TRIM36: variants seen among roughly 807,000 people sequenced by gnomAD.
TRIM36 encodes tripartite motif containing 36, also known as E3 ubiquitin-protein ligase TRIM36.
Under a neutral mutation model 72.4 loss-of-function variants are expected in TRIM36, and 42 were observed. The observed-to-expected ratio is 0.58, with a 90% CI of 0.45 to 0.75. The LOEUF (loss-of-function observed/expected upper bound fraction) is 0.75. Ranked by LOEUF, TRIM36 falls within the 30% of genes least tolerant of loss-of-function variation. TRIM36 has a pLI of 0.00. For missense variants in TRIM36, 913 were observed against 857.1 expected (o/e 1.07, Z -0.81); for synonymous variants, 315 against 282.8 (o/e 1.11, Z -1.14).
At chr5:115,127,498 T>A (rs1383433300) in intron 9 of TRIM36, among the ~76,000 whole-genome samples, 1 of 152,188 alleles carries the variant, frequency 6.6e-6, no homozygotes, top group Non-Finnish European at 1.5e-5. Flanking sequence ...GAAGCAGAAG[T>A]TGCAGTGGAC....
At chr5:115,177,424 T>C in intron 1 of TRIM36, 3 of 792,552 alleles carry the variant, frequency 3.8e-6, no homozygotes, top group Non-Finnish European at 4.7e-6. Flanking sequence ...AGGCCTCTAC[T>C]CTCTTAACTC....
intron 1 of TRIM36, chr5:115,177,904 C>T: frequency 6.3e-7 from 1 of 1,579,484 alleles, no homozygotes; most frequent in Non-Finnish European, 8.7e-7. Flanking sequence ...AGAGAGAGAG[C>T]AGAGAAATCC....
At chr5:115,167,630 T>C (rs1754857937) in intron 1 of TRIM36, among the ~76,000 whole-genome samples, 1 of 152,222 alleles carries the variant, frequency 6.6e-6, no homozygotes. Context: ...CACTTCTTTG[T>C]CCATACCACT....
At chr5:115,161,436 GT>G (rs937742884) in intron 2 of TRIM36, among the ~76,000 whole-genome samples, 3 of 152,118 alleles carry the variant, frequency 2.0e-5, no homozygotes, top group African/African-American at 7.2e-5. Context: ...CCCACCCATT[GT>G]TTTAAACAAA....
At chr5:115,143,920 G>C (rs1753429144) in intron 4 of TRIM36, among the ~76,000 whole-genome samples, 1 of 152,092 alleles carries the variant, frequency 6.6e-6, no homozygotes, top group Non-Finnish European at 1.5e-5. Context: ...ACCCAGGCTG[G>C]AGTGCAGTGG....
exon 1 of TRIM36, chr5:115,180,135 C>T: frequency 2.5e-6 from 3 of 1,216,494 alleles, no homozygotes; most frequent in Non-Finnish European, 1.2e-6. Flanking sequence ...TTTTGCCGAG[C>T]TCCCCGCCCA....
chr5:115,133,514 T>C (rs758488057), intron 8 of TRIM36, among the ~76,000 whole-genome samples: 7 of 152,154 alleles, frequency 4.6e-5, no homozygotes, highest in Non-Finnish European at 1.0e-4. Context: ...GTTTTAGAGA[T>C]TTCCATAAAC....
intron 3 of TRIM36, among the ~76,000 whole-genome samples, chr5:115,145,868 C>T (rs563087980): frequency 6.6e-6 from 1 of 152,174 alleles, no homozygotes; most frequent in African/African-American, 2.4e-5. Flanking sequence ...CAAAGTTTGT[C>T]CATCTGCAAG....
At position 115,141,287 on chromosome 5, in the gene TRIM36, C is replaced by A; in HGVS notation, c.823G>T (p.Glu275Ter). The A allele has an allele frequency of 6.3e-7, 1 of 1,596,376 alleles. No individual in the cohort carries two copies. Residue 275 changes from glutamate to a stop codon, truncating the protein, a stop_gained, in exon 5 of 10, where the codon GAA becomes TAA. Transcript: ENST00000513154. LOFTEE classifies it high-confidence loss of function. Reference sequence around the variant, plus strand: ...GCTAGTTTATCACTTACCTCTGTTTCTTTCATTAACAAGTTTAGTTCAGAT... The same window carrying A: ...GCTAGTTTATCACTTACCTCTGTTTATTTCATTAACAAGTTTAGTTCAGAT... ...QISELNLLMKETECNGERAKE... is the reference protein window; with the variant it reads ...QISELNLLMK
At position 115,163,639 on chromosome 5, in the gene TRIM36, T is replaced by C. The variant is rs766927121; in HGVS notation, c.141A>G (p.Glu47=). The change falls in exon 2 of 10, where the codon GAA becomes GAG. Residue 47 remains glutamate (E), a synonymous_variant. Coordinates refer to ENST00000513154, the MANE Select transcript of TRIM36 (RefSeq NM_001300759.2). ...ATGAATCATCGAGAGTCAGCAGGAG[T>C]TCTTTTACACATTTATGACAGATAC... The part of the protein sequence containing the change: ...QHSICHKCVK[E]LLLTLDDSFN... 4 of 1,614,046 alleles carry C rather than the reference T, an allele frequency of 2.5e-6. No homozygotes were observed. The highest frequency in any genetic ancestry group is 3.4e-6 in the Non-Finnish European group (4 of 1,180,008).
chr5:115,168,574 T>G (rs572533637), intron 1 of TRIM36, among the ~76,000 whole-genome samples: 1 of 152,340 alleles, frequency 6.6e-6, no homozygotes, highest in African/African-American at 2.4e-5. Flanking sequence ...TCTGACAATT[T>G]AACTGCATTA....
chr5:115,169,863 G>C lies in TRIM36; in HGVS notation c.-229C>G. ...GCTTTGCTCCCAGCGACTACCCCGG[G>C]AATCCCGCCCAGCTGCCGGCTGCAG... On this transcript the variant is annotated 5_prime_UTR_variant, in exon 1 of 10. Coordinates refer to ENST00000513154, the MANE Select transcript of TRIM36 (RefSeq NM_001300759.2). 1 of 1,308,554 alleles carries C rather than the reference G, an allele frequency of 7.6e-7. No individual in the cohort carries two copies. Among genetic ancestry groups the C allele is most frequent in the Middle Eastern group, 2.8e-4 (1 of 3,554 alleles). 81.1% of individuals were successfully genotyped at this position (1,308,554 alleles called of 1,614,324 possible).
upstream of TRIM36, chr5:115,171,211 C>T: frequency 1.2e-6 from 2 of 1,614,200 alleles, no homozygotes; most frequent in East Asian, 4.5e-5. Flanking sequence ...AGCCTCGTCT[C>T]CAATCCGGCA....
chr5:115,179,869 C>A, intron 1 of TRIM36: 2 of 1,134,460 alleles, frequency 1.8e-6, no homozygotes, highest in Non-Finnish European at 2.6e-6. Flanking sequence ...ATTCCAGCCT[C>A]CCGCCCTTCC....
rs1580650087 is a variant in TRIM36, at chr5:115,137,039, G to C, written c.1171C>G (p.Gln391Glu). The C allele has an allele frequency of 6.2e-7, 1 of 1,610,176 alleles. No homozygotes were observed. Among genetic ancestry groups the C allele is most frequent in the Non-Finnish European group, 8.5e-7 (1 of 1,178,644 alleles). ...GATAATTCTCCAAGAAGTTCTGTTTGTTTAGAGGTATTAACAACATAGTCT... is the reference window on the plus strand; with the variant it reads ...GATAATTCTCCAAGAAGTTCTGTTTCTTTAGAGGTATTAACAACATAGTCT... ...FEDYVVNTSK[Q>E]TELLGELSFF... The change falls in exon 7 of 10, where the codon CAA (glutamine) becomes GAA (glutamate). Residue 391 changes from glutamine (Q) to glutamate (E), a missense_variant. By Grantham distance (29) the Gln-to-Glu change is conservative. Coordinates refer to ENST00000513154, the MANE Select transcript of TRIM36 (RefSeq NM_001300759.2).
chr5:115,167,193 C>T (rs566965023), intron 1 of TRIM36, among the ~76,000 whole-genome samples: 2 of 152,310 alleles, frequency 1.3e-5, no homozygotes, highest in East Asian at 1.9e-4. Flanking sequence ...AGCAGCAGGG[C>T]CCTGGGCCCA....
chr5:115,170,149 C>T (rs983850193), upstream of TRIM36, among the ~76,000 whole-genome samples: 27 of 151,976 alleles, frequency 1.8e-4, no homozygotes, highest in Admixed American at 1.1e-3. Context: ...GCCCCTCCCT[C>T]CCACCCGGGT....
chr5:115,145,581 C>G (rs1753546537), intron 3 of TRIM36, among the ~76,000 whole-genome samples: 1 of 152,084 alleles, frequency 6.6e-6, no homozygotes, highest in Non-Finnish European at 1.5e-5. Context: ...GGCTAGAGTG[C>G]AGTGGTGCAA....
At chr5:115,153,542 G>A (rs554876896) in intron 2 of TRIM36, among the ~76,000 whole-genome samples, 1 of 152,300 alleles carries the variant, frequency 6.6e-6, no homozygotes, top group Non-Finnish European at 1.5e-5. Context: ...GTCATGCTCT[G>A]TCACCCAGGC....
Sources: allele counts gnomAD v4.1 joint callset (sites outside exome capture counted in the v4.1 genomes callset), GRCh38; gene constraint gnomAD v4.1.1; transcripts MANE v1.5; gene names NCBI Gene and HGNC (gene_info 2026-07-23, HGNC 2026-07-21).